The following IFI44L variants were observed in gnomAD, a reference collection of about 807,000 sequenced individuals.
IFI44L encodes interferon induced protein 44 like.
In IFI44L, 40 loss-of-function variants were observed where a neutral mutation model predicts 39.3. The ratio of observed to expected loss-of-function variants is 1.02; its 90% CI spans 0.79 to 1.33. The LOEUF (loss-of-function observed/expected upper bound fraction) is 1.33. Among genes scored for constraint, IFI44L ranks in the 40% most tolerant of loss-of-function variants. The pLI is 0.00. For synonymous variants in IFI44L, 198 were observed against 182.3 expected (o/e 1.09, Z -0.69); for missense variants, 623 against 549.0 (o/e 1.13, Z -1.35).
intron 6 of IFI44L, among the ~76,000 whole-genome samples, chr1:78,639,612 A>G (rs1008717697): frequency 2.6e-5 from 4 of 152,114 alleles, no homozygotes; most frequent in Admixed American, 6.6e-5. Context: ...CTCTAGCCAA[A>G]TTGCATTATC....
At chr1:78,637,554 G>A (rs1159456491) in intron 6 of IFI44L, among the ~76,000 whole-genome samples, 1 of 152,026 alleles carries the variant, frequency 6.6e-6, no homozygotes, top group Non-Finnish European at 1.5e-5. Context: ...ACATGTGTAA[G>A]TTTATGTACC....
intron 4 of IFI44L, among the ~76,000 whole-genome samples, chr1:78,632,440 G>T (rs1403381821): frequency 2.0e-5 from 3 of 152,162 alleles, no homozygotes; most frequent in Non-Finnish European, 4.4e-5. Context: ...ACATTAGGAA[G>T]ATCTGGATAA....
At position 78,628,819 on chromosome 1, in the gene IFI44L, C is replaced by G. The variant is rs192504128; in HGVS notation, c.479-132C>G. The G allele has an allele frequency of 4.3e-3, 2,685 of 628,500 alleles. 52 individuals are homozygous for G. Among genetic ancestry groups the G allele is most frequent in the Non-Finnish European group, 9.8e-4 (344 of 349,918 alleles). The allele number at this position is 628,500 out of a possible 1,614,324, so 38.9% of individuals were successfully genotyped here. On this transcript the variant is annotated intron_variant, in intron 2 of 8. Transcript: ENST00000370751. ...CCTCCTCTTCCTCTCATGTTGCCAACTCTGACTCCTAACTGAGCAGCTCAG... is the reference window on the plus strand; with the variant it reads ...CCTCCTCTTCCTCTCATGTTGCCAAGTCTGACTCCTAACTGAGCAGCTCAG...
At position 78,622,696 on chromosome 1, in the gene IFI44L, G is replaced by A. The variant is rs759611444; in HGVS notation, c.-11+2125G>A. Among the ~76,000 whole-genome samples, 54 of 152,180 alleles carry A rather than the reference G, an allele frequency of 3.5e-4. 1 individual carries two copies. Among genetic ancestry groups the A allele is most frequent in the Non-Finnish European group, 6.5e-4 (44 of 68,020 alleles). On this transcript the variant is annotated intron_variant, in intron 1 of 8. Coordinates refer to ENST00000370751, the MANE Select transcript of IFI44L (RefSeq NM_006820.4). ...CTTGCTGGTTTCAATGAAGTAAGTGGTCATGTTGGGGAGGCCCATTTGGCA... is the reference window on the plus strand; with the variant it reads ...CTTGCTGGTTTCAATGAAGTAAGTGATCATGTTGGGGAGGCCCATTTGGCA...
rs1197402897 is a variant in IFI44L, at chr1:78,644,901, G to C, written c.*3092G>C. The C allele has an allele frequency of 6.6e-6, 1 of 152,132 alleles. No homozygotes were observed. The highest frequency in any genetic ancestry group is 2.4e-5 in the African/African-American group (1 of 41,430). 9.4% of individuals were successfully genotyped at this position (152,132 alleles called of 1,614,324 possible). A position where few individuals can be genotyped will look rare whatever the true frequency, so the allele number is the denominator to read the frequency against. On this transcript the variant is annotated 3_prime_UTR_variant, in exon 9 of 9. Coordinates refer to ENST00000370751, the MANE Select transcript of IFI44L (RefSeq NM_006820.4). ...CATTAGAAAGTGACTGTTTCTGACAGAAATTTGTAGCTTTGTGCAAACTCA... is the reference window on the plus strand; with the variant it reads ...CATTAGAAAGTGACTGTTTCTGACACAAATTTGTAGCTTTGTGCAAACTCA...
chr1:78,641,300 C>G (rs981337570), intron 7 of IFI44L, 135 bp from the exon 8 acceptor site: 2 of 903,818 alleles, frequency 2.2e-6, no homozygotes, highest in African/African-American at 3.4e-5. Flanking sequence ...CTGCAATGAT[C>G]TGAATTATTG....
At chr1:78,625,842 A>G (rs1037281530) in intron 1 of IFI44L, 4 of 151,864 alleles carry the variant, frequency 2.6e-5, no homozygotes, top group African/African-American at 7.2e-5. Flanking sequence ...ATCTTTTGTC[A>G]TTTAATTAAA....
chr1:78,643,328 C>T lies in IFI44L; in HGVS notation c.*1519C>T, dbSNP rs1400838158. The T allele has an allele frequency of 2.6e-5, 4 of 152,002 alleles. No homozygotes were observed. Among genetic ancestry groups the T allele is most frequent in the Non-Finnish European group, 5.9e-5 (4 of 67,994 alleles). 9.4% of individuals were successfully genotyped at this position (152,002 alleles called of 1,614,324 possible). A position where few individuals can be genotyped will look rare whatever the true frequency, so the allele number is the denominator to read the frequency against. On this transcript the variant is annotated 3_prime_UTR_variant, in exon 9 of 9. Coordinates refer to ENST00000370751, the MANE Select transcript of IFI44L (RefSeq NM_006820.4). Reference sequence around the variant, plus strand: ...TAGGCCTACAAGTAGATATTGGGAACAAAATTAGAGAGGCAACCAGAAAAA... The same window carrying T: ...TAGGCCTACAAGTAGATATTGGGAATAAAATTAGAGAGGCAACCAGAAAAA...
intron 1 of IFI44L, among the ~76,000 whole-genome samples, chr1:78,624,543 G>A (rs924022241): frequency 1.3e-5 from 2 of 152,138 alleles, no homozygotes; most frequent in African/African-American, 4.8e-5. Context: ...AGAAGAATGT[G>A]TATTTTGTTG....
chr1:78,635,931 T>TG (rs1267549341), intron 5 of IFI44L: 1 of 175,796 alleles, frequency 5.7e-6, no homozygotes. Context: ...TACTAACAGA[T>TG]GTTTACCCGT....
At position 78,644,355 on chromosome 1, in the gene IFI44L, TAGG is replaced by T. The variant is rs1379865645; in HGVS notation, c.*2549_*2551del. 2.6e-5 allele frequency: 4 copies of T among 152,186 alleles called. No homozygotes were observed. The highest frequency in any genetic ancestry group is 4.4e-5 in the Non-Finnish European group (3 of 68,042). The allele number at this position is 152,186 out of a possible 1,614,324, so 9.4% of individuals were successfully genotyped here. Reference sequence around the variant, plus strand: ...ACATTTCATTTGACCCAACATCCTTTAGGAGCATAAATGTTGACACTAAGTTAT... The same window carrying T: ...ACATTTCATTTGACCCAACATCCTTTAGCATAAATGTTGACACTAAGTTAT... On this transcript the variant is annotated 3_prime_UTR_variant, in exon 9 of 9. Transcript: ENST00000370751.
At chr1:78,635,560 C>A (rs1652917637) in intron 5 of IFI44L, 71 bp downstream of exon 5, 1 of 1,453,896 alleles carries the variant, frequency 6.9e-7, no homozygotes, top group Non-Finnish European at 9.5e-7. Context: ...TTTTTAACCA[C>A]ATAAGGCAAT....
At chr1:78,631,256 G>A (rs1396184383) in intron 4 of IFI44L, among the ~76,000 whole-genome samples, 1 of 152,076 alleles carries the variant, frequency 6.6e-6, no homozygotes, top group Non-Finnish European at 1.5e-5. Context: ...AAATTAATGG[G>A]TAAGGAAACT....
rs776520779 is a variant in IFI44L at position 78,629,811 on chromosome 1, G to A, written c.619G>A (p.Gly207Arg). ...EIRILLVGPV[G>R]SGKSSFFNSV... The stretch of plus-strand genomic sequence containing the variant: ...TCGTATTCTTTTGGTGGGTCCAGTT[G>A]GGTCTGGAAAGTCCAGTTTTTTCAA... Residue 207 changes from glycine to arginine, a missense_variant, in exon 4 of 9, where the codon GGG (glycine) becomes AGG (arginine). By Grantham distance (125) the Gly-to-Arg change is moderately radical. Coordinates refer to ENST00000370751, the MANE Select transcript of IFI44L (RefSeq NM_006820.4). 3.7e-6 allele frequency: 6 copies of A among 1,613,648 alleles called. No individual in the cohort carries two copies. Among genetic ancestry groups the A allele is most frequent in the Non-Finnish European group, 4.2e-6 (5 of 1,179,722 alleles).
At chr1:78,630,153 AAAC>A (rs1652696086) in intron 4 of IFI44L, 2 of 399,264 alleles carry the variant, frequency 5.0e-6, no homozygotes, top group Non-Finnish European at 9.1e-6. Context: ...TTTGTATAAA[AAAC>A]AACAAAAAAT....
rs1431568943 is a variant in IFI44L, at chr1:78,629,660, T to G, written c.528-60T>G. On this transcript the variant is annotated intron_variant, in intron 3 of 8. Transcript: ENST00000370751. ...AGAAGCTCTAGGTGACTTGAGATGTTCTTTATGGTATTCTTTATTGGCTGT... is the reference window on the plus strand; with the variant it reads ...AGAAGCTCTAGGTGACTTGAGATGTGCTTTATGGTATTCTTTATTGGCTGT... 2.8e-5 allele frequency: 36 copies of G among 1,285,676 alleles called. No homozygotes were observed. In the East Asian group the frequency reaches 8.4e-4, roughly 30 times the overall value. 79.6% of individuals were successfully genotyped at this position (1,285,676 alleles called of 1,614,324 possible). A position where few individuals can be genotyped will look rare whatever the true frequency, so the allele number is the denominator to read the frequency against.
chr1:78,634,226 A>G (rs1652857021), intron 4 of IFI44L, among the ~76,000 whole-genome samples: 1 of 152,182 alleles, frequency 6.6e-6, no homozygotes, highest in African/African-American at 2.4e-5. Context: ...CTGAGAGAAA[A>G]GTCCCCAGTC....
intron 1 of IFI44L, among the ~76,000 whole-genome samples, chr1:78,624,715 C>T (rs273245): frequency 0.015 from 2,319 of 152,216 alleles, 56 homozygotes; most frequent in African/African-American, 0.053. Context: ...TGCTGTTTCT[C>T]CCTTCAATTC....
At position 78,641,504 on chromosome 1, in the gene IFI44L, G is replaced by T; in HGVS notation, c.1219G>T (p.Asp407Tyr). The change falls in exon 8 of 9, where the codon GAT (aspartate) becomes TAT (tyrosine). Residue 407 changes from aspartate to tyrosine, a missense_variant. By Grantham distance (160) the Asp-to-Tyr change is radical (BLOSUM62 -3). Coordinates refer to ENST00000370751, the MANE Select transcript of IFI44L (RefSeq NM_006820.4). ...TTTGATGGTTGGAAATTATGCTTCAGATTTGGAACTGGACCCCATGAAGGA... is the reference window on the plus strand; with the variant it reads ...TTTGATGGTTGGAAATTATGCTTCATATTTGGAACTGGACCCCATGAAGGA... ...NILMVGNYASDLELDPMKDIL... is the reference protein window; with the variant it reads ...NILMVGNYASYLELDPMKDIL... 6.2e-7 allele frequency: 1 copy of T among 1,613,710 alleles called. No individual in the cohort carries two copies. The highest frequency in any genetic ancestry group is 8.5e-7 in the Non-Finnish European group (1 of 1,179,730).
Sources: gnomAD v4.1 joint callset for allele counts (sites outside exome capture counted in the v4.1 genomes callset) on GRCh38, gnomAD v4.1.1 for gene constraint, MANE v1.5 for transcripts, NCBI Gene and HGNC (gene_info 2026-07-23, HGNC 2026-07-21) for gene names.